CDH17: variants seen among roughly 807,000 people sequenced by gnomAD.
CDH17 encodes cadherin-17.
A neutral mutation model predicts 86.3 loss-of-function variants in CDH17; 67 were observed. That is an observed-to-expected ratio of 0.78 (90% CI 0.64 to 0.95). The LOEUF (loss-of-function observed/expected upper bound fraction) is 0.95. Among genes scored for constraint, CDH17 ranks in the 40% least tolerant of loss-of-function variants. The pLI, the probability that CDH17 is intolerant of heterozygous loss-of-function variation, is 0.00. For synonymous variants in CDH17, 367 were observed against 366.4 expected, an observed-to-expected ratio of 1.00 and a Z score of -0.02; for missense variants, 993 against 1,017.6, an observed-to-expected ratio of 0.98 and a Z score of 0.33.
At chr8:94,193,615 T>C (rs1303856987) in intron 2 of CDH17, among the ~76,000 whole-genome samples, 1 of 152,130 alleles carries the variant, frequency 6.6e-6, no homozygotes, top group Non-Finnish European at 1.5e-5. Context: ...GTCACTACCC[T>C]GGGATAACAT....
intron 5 of CDH17, among the ~76,000 whole-genome samples, 157 bp from the exon 6 acceptor site, chr8:94,174,417 C>G (rs894822386): frequency 2.0e-5 from 3 of 152,162 alleles, no homozygotes; most frequent in Admixed American, 6.5e-5. Context: ...CCCACTCCCC[C>G]CTTCCCTAAA....
intron 15 of CDH17, among the ~76,000 whole-genome samples, chr8:94,134,941 C>G (rs2513799): frequency 0.82 from 125,262 of 152,056 alleles, 51,748 homozygotes; most frequent in African/African-American, 0.85. Flanking sequence ...TCAGGAGCAG[C>G]TTGTTCAGTT....
At chr8:94,141,383 T>G (rs1233214887) in intron 15 of CDH17, among the ~76,000 whole-genome samples, 1 of 152,050 alleles carries the variant, frequency 6.6e-6, no homozygotes, top group African/African-American at 2.4e-5. Context: ...AAAGGCTAAA[T>G]GCTTTCTTCC....
upstream of CDH17, among the ~76,000 whole-genome samples, chr8:94,210,226 T>TAAAAA (rs71567010): frequency 0.096 from 5,145 of 53,452 alleles, 835 homozygotes; most frequent in Non-Finnish European, 0.13. Flanking sequence ...TTTATGCGAG[T>TAAAAA]AAAAAAAAAA....
chr8:94,212,542 A>T (rs147377969), upstream of CDH17, among the ~76,000 whole-genome samples: 103 of 151,802 alleles, frequency 6.8e-4, no homozygotes, highest in African/African-American at 2.4e-3. Flanking sequence ...CACTTGAGAG[A>T]ATTATCACAA....
intron 1 of CDH17, among the ~76,000 whole-genome samples, chr8:94,199,083 A>ATATATTTT (rs1283889347): frequency 8.6e-5 from 2 of 23,232 alleles, no homozygotes; most frequent in Non-Finnish European, 1.1e-4. Context: ...ATATATATAT[A>ATATATTTT]TTTTTTTTTT....
chr8:94,165,690 G>A, intron 10 of CDH17, 71 bp downstream of exon 10: 1 of 1,009,530 alleles, frequency 9.9e-7, no homozygotes, highest in East Asian at 2.4e-5. Context: ...CCAGACATTA[G>A]CGCAGGAAAA....
intron 10 of CDH17, among the ~76,000 whole-genome samples, chr8:94,165,215 A>C (rs371951585): frequency 1.3e-5 from 2 of 152,218 alleles, no homozygotes; most frequent in African/African-American, 4.8e-5. Context: ...CCACATTCAC[A>C]CTGAGACCTC....
intron 1 of CDH17, among the ~76,000 whole-genome samples, chr8:94,207,797 C>T (rs1814058301): frequency 6.6e-6 from 1 of 152,070 alleles, no homozygotes; most frequent in South Asian, 2.1e-4. Flanking sequence ...ATTGAAGATA[C>T]CAATAAGCTG....
At chr8:94,134,659 T>A (rs1267077273) in intron 15 of CDH17, among the ~76,000 whole-genome samples, 1 of 152,214 alleles carries the variant, frequency 6.6e-6, no homozygotes, top group Non-Finnish European at 1.5e-5. Flanking sequence ...TATCATCTCC[T>A]TCAGTTCTGT....
At chr8:94,132,377 G>C (rs550391297) in intron 15 of CDH17, among the ~76,000 whole-genome samples, 10 of 152,284 alleles carry the variant, frequency 6.6e-5, no homozygotes, top group African/African-American at 2.4e-4. Flanking sequence ...CTTCTAACTG[G>C]TGTGAGATGG....
At chr8:94,137,746 G>A (rs1812559442) in intron 15 of CDH17, among the ~76,000 whole-genome samples, 1 of 152,230 alleles carries the variant, frequency 6.6e-6, no homozygotes, top group African/African-American at 2.4e-5. Context: ...CTGGGAATAT[G>A]TGTGTCCAGT....
intron 3 of CDH17, among the ~76,000 whole-genome samples, chr8:94,185,276 TACACACACACACACAC>T (rs71277462): frequency 3.7e-5 from 5 of 136,866 alleles, no homozygotes; most frequent in South Asian, 5.1e-4. Context: ...CCTACCCCAA[TACACACACACACACAC>T]ACACACACAC....
intron 1 of CDH17, among the ~76,000 whole-genome samples, chr8:94,203,520 A>G (rs765022480): frequency 7.2e-5 from 11 of 152,196 alleles, no homozygotes; most frequent in Non-Finnish European, 1.3e-4. Flanking sequence ...AGATATAAAG[A>G]TCAGATGAAA....
At chr8:94,159,559 C>G (rs79548000) in intron 12 of CDH17, among the ~76,000 whole-genome samples, 1 of 152,010 alleles carries the variant, frequency 6.6e-6, no homozygotes, top group Non-Finnish European at 1.5e-5. Context: ...ACTCCCAGAC[C>G]GTAAGAGTGT....
chr8:94,157,469 A>C lies in CDH17; in HGVS notation c.1551+2502T>G, dbSNP rs534080078. 5.9e-5 allele frequency among the ~76,000 whole-genome samples: 9 copies of C among 152,324 alleles called. 1 individual carries two copies. In the South Asian group the frequency reaches 1.7e-3, roughly 28 times the overall value. Reference sequence around the variant, plus strand: ...CACAGCCCAGGGTTGGTTGTTGCTTAGCATCTGAAAGAACCTAATCCGAGA... The same window carrying C: ...CACAGCCCAGGGTTGGTTGTTGCTTCGCATCTGAAAGAACCTAATCCGAGA... On this transcript the variant is annotated intron_variant, in intron 12 of 17. Coordinates refer to ENST00000027335, the MANE Select transcript of CDH17 (RefSeq NM_004063.4).
chr8:94,189,528 A>G (rs1024557024), intron 2 of CDH17, among the ~76,000 whole-genome samples: 1 of 152,238 alleles, frequency 6.6e-6, no homozygotes, highest in Non-Finnish European at 1.5e-5. Flanking sequence ...GAATCACTCT[A>G]TGAGAAGAAT....
chr8:94,179,417 A>G (rs922467315), intron 3 of CDH17, among the ~76,000 whole-genome samples: 2 of 152,380 alleles, frequency 1.3e-5, no homozygotes, highest in Non-Finnish European at 2.9e-5. Context: ...CAAAACACTT[A>G]AAAGGGAAAG....
At chr8:94,129,370 T>C (rs1268885225) in intron 17 of CDH17, among the ~76,000 whole-genome samples, 1 of 152,108 alleles carries the variant, frequency 6.6e-6, no homozygotes, top group Non-Finnish European at 1.5e-5. Context: ...ATGATCACCA[T>C]GCACACATTA....
Sources: gnomAD v4.1 joint callset for allele counts (sites outside exome capture counted in the v4.1 genomes callset) on GRCh38, gnomAD v4.1.1 for gene constraint, MANE v1.5 for transcripts, NCBI Gene and HGNC (gene_info 2026-07-23, HGNC 2026-07-21) for gene names.